Variants in DRAXIN observed in about 807,000 individuals in gnomAD.
The protein encoded by DRAXIN is dorsal repulsive axon guidance protein.
DRAXIN carries 27 observed loss-of-function variants against 33.9 expected under a neutral mutation model. That is an observed-to-expected ratio of 0.80 (90% CI 0.59 to 1.10). The LOEUF is 1.10. DRAXIN is among the 50% of genes least tolerant of loss of function. The pLI, the probability that DRAXIN is intolerant of heterozygous loss-of-function variation, is 0.00. For missense variants in DRAXIN, 371 were observed against 460.8 expected (o/e 0.81, Z 1.78); for synonymous variants, 178 against 194.0 (o/e 0.92, Z 0.69).
chr1:11,703,769 T>C (rs1209371261), intron 1 of DRAXIN, among the ~76,000 whole-genome samples: 1 of 151,726 alleles, frequency 6.6e-6, no homozygotes, highest in Non-Finnish European at 1.5e-5. Context: ...TCTTGAAGGG[T>C]GGGAGGGAAC....
At chr1:11,712,504 A>G in intron 5 of DRAXIN, 75 bp downstream of exon 5, 2 of 1,460,444 alleles carry the variant, frequency 1.4e-6, no homozygotes, top group Non-Finnish European at 1.9e-6. Flanking sequence ...GGGGGTTCCC[A>G]CATGTGCAGG....
intron 1 of DRAXIN, among the ~76,000 whole-genome samples, chr1:11,695,298 G>A (rs565123820): frequency 2.0e-5 from 3 of 152,212 alleles, no homozygotes; most frequent in African/African-American, 7.2e-5. Context: ...TCCACTTCAG[G>A]CCAGGTGCAG....
At chr1:11,717,755 C>T (rs1194711377) in intron 6 of DRAXIN, among the ~76,000 whole-genome samples, 2 of 144,172 alleles carry the variant, frequency 1.4e-5, no homozygotes, top group Non-Finnish European at 3.0e-5. Context: ...GAGGCCAAGG[C>T]AGGTGGATCC....
chr1:11,694,793 G>T lies in DRAXIN; in HGVS notation c.-11+2940G>T, dbSNP rs143679830. On this transcript the variant is annotated intron_variant, in intron 1 of 6. Transcript: ENST00000294485. The surrounding 1 kb of genome is among the most constrained non-coding windows in gnomAD (Gnocchi z 4.9). The stretch of plus-strand genomic sequence containing the variant: ...TGTGGCCAGTGGTCCCCAAGAAGAA[G>T]AAGGTTGTGGGAGGATGGCTGAATC... 6.6e-6 allele frequency among the ~76,000 whole-genome samples: 1 copy of T among 152,278 alleles called. No individual in the cohort carries two copies. Among genetic ancestry groups the T allele is most frequent in the Non-Finnish European group, 1.5e-5 (1 of 68,024 alleles).
At chr1:11,713,390 A>G (rs1327108517) in intron 5 of DRAXIN, among the ~76,000 whole-genome samples, 2 of 152,080 alleles carry the variant, frequency 1.3e-5, no homozygotes, top group African/African-American at 4.8e-5. Flanking sequence ...TCCTCCTGAC[A>G]CCAGGCAGGG....
At chr1:11,701,803 A>G (rs1386743059) in intron 1 of DRAXIN, among the ~76,000 whole-genome samples, 4 of 152,166 alleles carry the variant, frequency 2.6e-5, no homozygotes, top group Non-Finnish European at 5.9e-5. Flanking sequence ...ACAGCCTCCA[A>G]CTGGCTTTCA....
intron 6 of DRAXIN, among the ~76,000 whole-genome samples, chr1:11,717,778 T>C (rs960246465): frequency 2.2e-5 from 3 of 135,220 alleles, no homozygotes; most frequent in Non-Finnish European, 4.7e-5. Context: ...GAGCCCGGAG[T>C]TGGAGACCAG....
At chr1:11,710,983 A>T (rs1641486892) in intron 3 of DRAXIN, among the ~76,000 whole-genome samples, 1 of 151,288 alleles carries the variant, frequency 6.6e-6, no homozygotes. Context: ...ATATATGTAT[A>T]AAAAATACAT....
rs1316744736 is a variant in DRAXIN, at chr1:11,704,581, C to T, written c.-10-1668C>T. ...GCAAGGCCAGTGGGACAGAGCCTTC[C>T]GTTGCTGGTGACGTGACCAGGACAG... On this transcript the variant is annotated intron_variant, in intron 1 of 6. Coordinates refer to ENST00000294485, the MANE Select transcript of DRAXIN (RefSeq NM_198545.4). The surrounding 1 kb of genome is among the most constrained non-coding windows in gnomAD (Gnocchi z 4.6). Among the ~76,000 whole-genome samples, 4 of 152,198 alleles carry T rather than the reference C, an allele frequency of 2.6e-5. No homozygotes were observed. The highest frequency in any genetic ancestry group is 6.5e-5 in the Admixed American group (1 of 15,278).
chr1:11,712,364 G>A lies in DRAXIN; in HGVS notation c.782G>A (p.Ser261Asn). Residue 261 changes from serine to asparagine, a missense_variant, in exon 5 of 7, where the codon AGT becomes AAT. Transcript: ENST00000294485. ...GAGAAACACCGCGGTAAACTCTCCA[G>A]TGATGGTAACGAAACATCACCAGCC... ...KKEKHRGKLSSDGNETSPAEG... is the reference protein window; with the variant it reads ...KKEKHRGKLSNDGNETSPAEG... 1 of 1,614,062 alleles carries A rather than the reference G, an allele frequency of 6.2e-7. No homozygotes were observed.
chr1:11,697,713 C>T (rs566438856), intron 1 of DRAXIN, among the ~76,000 whole-genome samples: 25 of 152,298 alleles, frequency 1.6e-4, no homozygotes, highest in Admixed American at 1.2e-3. Context: ...TGGCTGACCA[C>T]CGGGATTCAC....
intron 5 of DRAXIN, among the ~76,000 whole-genome samples, chr1:11,713,481 C>T (rs1200047256): frequency 6.6e-6 from 1 of 152,200 alleles, no homozygotes; most frequent in Admixed American, 6.5e-5. Flanking sequence ...GTTCGGCAGC[C>T]GTCTCCATGG....
chr1:11,702,698 C>G (rs1200213271), intron 1 of DRAXIN, among the ~76,000 whole-genome samples: 3 of 152,070 alleles, frequency 2.0e-5, no homozygotes, highest in African/African-American at 4.8e-5. Flanking sequence ...CACACACACA[C>G]TCACACATCC....
chr1:11,691,647 C>G (rs1641070110), upstream of DRAXIN: 1 of 149,280 alleles, frequency 6.7e-6, no homozygotes, highest in South Asian at 2.1e-4. Context: ...CGCCGCCCCT[C>G]CTCTGTCCCC....
upstream of DRAXIN, among the ~76,000 whole-genome samples, chr1:11,688,544 G>C (rs1016132569): frequency 4.8e-5 from 7 of 145,938 alleles, no homozygotes; most frequent in Non-Finnish European, 8.9e-5. This position sits in a 1 kb window ranked among gnomAD's most constrained non-coding sequence, Gnocchi z 4.6. Context: ...CTGGACAACA[G>C]AGCAAGACTG....
At chr1:11,690,955 T>C (rs1045881977), upstream of DRAXIN, among the ~76,000 whole-genome samples, 10 of 152,112 alleles carry the variant, frequency 6.6e-5, no homozygotes, top group African/African-American at 2.4e-4. The surrounding 1 kb of genome is among the most constrained non-coding windows in gnomAD (Gnocchi z 4.2). Flanking sequence ...TGTTTGTGTG[T>C]GTGTGTATTG....
At position 11,722,634 on chromosome 1, in the gene DRAXIN, T is replaced by C. The variant is rs1387320104; in HGVS notation, c.*2938T>C. The C allele has an allele frequency of 1.3e-5, 2 of 153,266 alleles. No homozygotes were observed. The highest frequency in any genetic ancestry group is 2.1e-4 in the South Asian group (1 of 4,866). 9.5% of individuals were successfully genotyped at this position (153,266 alleles called of 1,614,324 possible). A position where few individuals can be genotyped will look rare whatever the true frequency, so the allele number is the denominator to read the frequency against. ...AATCCAGGGTTTAGCAAACTTTTAC[T>C]GTGAGGAGCCAAATAAACATTTTAG... On this transcript the variant is annotated 3_prime_UTR_variant, in exon 7 of 7. Transcript: ENST00000294485.
chr1:11,693,693 G>A (rs1045200163), intron 1 of DRAXIN, among the ~76,000 whole-genome samples: 3 of 152,152 alleles, frequency 2.0e-5, no homozygotes, highest in African/African-American at 7.2e-5. Flanking sequence ...CCCTACTTTG[G>A]TGAACCCGGC....
At chr1:11,690,064 T>C (rs1570299057), upstream of DRAXIN, among the ~76,000 whole-genome samples, 1 of 152,118 alleles carries the variant, frequency 6.6e-6, no homozygotes, top group East Asian at 1.9e-4. This position sits in a 1 kb window ranked among gnomAD's most constrained non-coding sequence, Gnocchi z 4.2. Flanking sequence ...TAACTTTATG[T>C]AAAACAACAC....
Sources: allele counts gnomAD v4.1 joint callset (sites outside exome capture counted in the v4.1 genomes callset), GRCh38; gene constraint gnomAD v4.1.1; non-coding constraint Gnocchi (gnomAD v3.1); transcripts MANE v1.5; gene names NCBI Gene and HGNC (gene_info 2026-07-23, HGNC 2026-07-21).